RORA: variants seen among roughly 807,000 people sequenced by gnomAD.
RORA encodes nuclear receptor ROR-alpha.
In RORA, 7 loss-of-function variants were observed where a neutral mutation model predicts 69.5. The ratio of observed to expected loss-of-function variants is 0.10; its 90% CI spans 0.06 to 0.19. RORA has a LOEUF of 0.19. Ranked by LOEUF, RORA falls within the 10% of genes least tolerant of loss-of-function variation. The probability of loss-of-function intolerance (pLI) is 1.00; values close to 1 mark genes in which losing one functional copy is unlikely to be tolerated. For missense variants in RORA, 457 were observed against 663.0 expected (o/e 0.69, Z 3.41); for synonymous variants, 261 against 240.8 (o/e 1.08, Z -0.78).
chr15:60,815,519 G>A (rs2072797058), intron 1 of RORA, among the ~76,000 whole-genome samples: 1 of 152,084 alleles, frequency 6.6e-6, no homozygotes, highest in Admixed American at 6.6e-5. Flanking sequence ...TCACAGCCGA[G>A]GACTTGGCAA....
chr15:61,124,958 T>C (rs1330575684), intron 1 of RORA, among the ~76,000 whole-genome samples: 11 of 152,240 alleles, frequency 7.2e-5, no homozygotes, highest in African/African-American at 2.7e-4. Context: ...TCTTTCCTTA[T>C]ACAACCCATT....
intron 1 of RORA, among the ~76,000 whole-genome samples, chr15:61,203,239 T>C (rs1427501651): frequency 1.3e-5 from 2 of 152,116 alleles, no homozygotes; most frequent in African/African-American, 4.8e-5. Flanking sequence ...AAAGAACACA[T>C]TTGGCATGTT....
intron 1 of RORA, among the ~76,000 whole-genome samples, chr15:60,870,525 G>A (rs2073543987): frequency 6.6e-6 from 1 of 152,234 alleles, no homozygotes; most frequent in African/African-American, 2.4e-5. Flanking sequence ...CCATAGAGCA[G>A]AGGGGCGTCT....
chr15:61,049,256 C>T (rs1237698312), intron 1 of RORA, among the ~76,000 whole-genome samples: 1 of 152,202 alleles, frequency 6.6e-6, no homozygotes, highest in Non-Finnish European at 1.5e-5. Flanking sequence ...CACACGGCTT[C>T]TCAGAACTCC....
At chr15:60,876,215 A>G (rs1251363808) in intron 1 of RORA, among the ~76,000 whole-genome samples, 1 of 150,784 alleles carries the variant, frequency 6.6e-6, no homozygotes, top group Non-Finnish European at 1.5e-5. Flanking sequence ...GAGTACAGAG[A>G]ATTAATTTCC....
At chr15:60,598,352 A>G (rs982215756) in intron 2 of RORA, 1 of 152,210 alleles carries the variant, frequency 6.6e-6, no homozygotes, top group African/African-American at 2.4e-5. Flanking sequence ...CCCTTGAACA[A>G]CACAGATTTG....
At chr15:61,181,791 G>A (rs928503693) in intron 1 of RORA, among the ~76,000 whole-genome samples, 4 of 151,542 alleles carry the variant, frequency 2.6e-5, no homozygotes, top group Non-Finnish European at 5.9e-5. Context: ...ATATGGGAGA[G>A]ATGTCTGCAT....
intron 1 of RORA, among the ~76,000 whole-genome samples, chr15:61,090,031 A>T (rs1315453212): frequency 6.6e-6 from 1 of 152,218 alleles, no homozygotes; most frequent in Non-Finnish European, 1.5e-5. Context: ...CAAAGCACCA[A>T]ATGGGGCAAG....
intron 10 of RORA, among the ~76,000 whole-genome samples, chr15:60,498,898 C>G (rs970438710): frequency 5.5e-5 from 8 of 146,248 alleles, no homozygotes; most frequent in Non-Finnish European, 1.2e-4. Flanking sequence ...AACAAGAAAA[C>G]AAAACCAAAA....
chr15:60,501,001 C>G lies in RORA; in HGVS notation c.1252G>C (p.Asp418His). ...KSLCSMHLTEDEIALFSAFVL... is the reference protein window; with the variant it reads ...KSLCSMHLTEHEIALFSAFVL... ...AATGCAGAAAATAATGCAATTTCATCTTCAGTCAGGTGCATAGAACATAAA... is the reference window on the plus strand; with the variant it reads ...AATGCAGAAAATAATGCAATTTCATGTTCAGTCAGGTGCATAGAACATAAA... Residue 418 changes from aspartate (D) to histidine (H), a missense_variant, in exon 9 of 11, where the codon GAT (aspartate) becomes CAT (histidine). By Grantham distance (81) the Asp-to-His change is moderately conservative. Coordinates refer to ENST00000335670, the MANE Select transcript of RORA (RefSeq NM_134261.3). 1 of 1,609,960 alleles carries G rather than the reference C, an allele frequency of 6.2e-7. No individual in the cohort carries two copies. The highest frequency in any genetic ancestry group is 8.5e-7 in the Non-Finnish European group (1 of 1,176,586).
rs77097427 is a variant in RORA at position 60,725,458 on chromosome 15, T to A, written c.167-46772A>T. On this transcript the variant is annotated intron_variant, in intron 1 of 10. Coordinates refer to ENST00000335670, the MANE Select transcript of RORA (RefSeq NM_134261.3). ...AATTTTTATGAGTACATAGTAGGTG[T>A]TTATATTTAGGGGGTAGATGAGATG... is the stretch of plus-strand genomic sequence containing the variant. 6.8e-3 allele frequency among the ~76,000 whole-genome samples: 1,041 copies of A among 152,282 alleles called. 24 individuals carry two copies. The East Asian group carries it at 0.085, about 12-fold the overall frequency.
At chr15:61,044,271 G>T (rs1289939632) in intron 1 of RORA, among the ~76,000 whole-genome samples, 1 of 152,162 alleles carries the variant, frequency 6.6e-6, no homozygotes, top group South Asian at 2.1e-4. Context: ...AGGAGGCCAC[G>T]TGGCCCTGTA....
intron 1 of RORA, among the ~76,000 whole-genome samples, chr15:61,120,218 T>C (rs1169287596): frequency 1.3e-5 from 2 of 152,084 alleles, no homozygotes; most frequent in Non-Finnish European, 2.9e-5. Flanking sequence ...TATTAGGCCA[T>C]ATACTTAAGA....
At chr15:60,586,200 G>A (rs867727175) in intron 2 of RORA, among the ~76,000 whole-genome samples, 32 of 152,302 alleles carry the variant, frequency 2.1e-4, no homozygotes, top group Middle Eastern at 3.4e-3. Flanking sequence ...GCTAGCTGAT[G>A]TTATCTTTAA....
rs573133468 is a variant in RORA at position 60,631,855 on chromosome 15, G to T, written c.196+46802C>A. 5.3e-5 allele frequency among the ~76,000 whole-genome samples: 8 copies of T among 152,290 alleles called. No homozygotes were observed. In the South Asian group the frequency reaches 1.7e-3, roughly 32 times the overall value. ...TGAAAAGCCAGCTCACAGGTGGGCCGCTGGGGCGATTTGGCAGGGCCTGCT... is the reference window on the plus strand; with the variant it reads ...TGAAAAGCCAGCTCACAGGTGGGCCTCTGGGGCGATTTGGCAGGGCCTGCT... On this transcript the variant is annotated intron_variant, in intron 2 of 10. Transcript: ENST00000335670.
In RORA at chr15:60,525,752, T is replaced by C. The variant is rs375724317; in HGVS notation, c.282+6014A>G. Among the ~76,000 whole-genome samples, 33 of 152,308 alleles carry C rather than the reference T, an allele frequency of 2.2e-4. 2 individuals carry two copies. The South Asian group carries it at 6.4e-3, about 30-fold the overall frequency. The stretch of plus-strand genomic sequence containing the variant: ...GTATGTCTACCTTTCATTTTACGTC[T>C]GAGACTAAGAAAAGTAGAGATGAGA... On this transcript the variant is annotated intron_variant, in intron 3 of 10. Transcript: ENST00000335670.
intron 1 of RORA, among the ~76,000 whole-genome samples, chr15:60,796,849 A>G (rs1313496761): frequency 6.6e-6 from 1 of 152,000 alleles, no homozygotes; most frequent in African/African-American, 2.4e-5. Context: ...AATATTATTC[A>G]GCCACAAAAA....
At chr15:61,179,663 C>T (rs117085712) in intron 1 of RORA, among the ~76,000 whole-genome samples, 2,961 of 152,186 alleles carry the variant, frequency 0.019, 36 homozygotes, top group South Asian at 0.044. Context: ...TTTAGCATAA[C>T]GCCTGACATA....
chr15:60,746,982 G>A (rs1182703731), intron 1 of RORA, among the ~76,000 whole-genome samples: 3 of 152,156 alleles, frequency 2.0e-5, no homozygotes, highest in African/African-American at 7.2e-5. Context: ...GTTAGTGTCA[G>A]CCTCAGGCTG....
Sources: gnomAD v4.1 joint callset for allele counts (sites outside exome capture counted in the v4.1 genomes callset) on GRCh38, gnomAD v4.1.1 for gene constraint, MANE v1.5 for transcripts, NCBI Gene and HGNC (gene_info 2026-07-23, HGNC 2026-07-21) for gene names.